The following RSF1 variants were observed in gnomAD, a reference collection of about 807,000 sequenced individuals.
The protein encoded by RSF1 is HBV pX-associated protein 8.
Under a neutral mutation model 145.2 loss-of-function variants are expected in RSF1, and 13 were observed. The observed-to-expected ratio is 0.09, with a 90% CI of 0.06 to 0.14. The LOEUF is 0.14. Ranked by LOEUF, RSF1 falls within the 10% of genes least tolerant of loss-of-function variation. RSF1 has a pLI of 1.00. For synonymous variants in RSF1, 577 were observed against 592.6 expected (o/e 0.97, Z 0.38); for missense variants, 1,517 against 1,718.2 (o/e 0.88, Z 2.07).
chr11:77,858,872 A>G, the RSF1 span, among the ~76,000 whole-genome samples: 1 of 152,226 alleles, frequency 6.6e-6, no homozygotes. Context: ...TACAGCTTCG[A>G]TTCTGGAAGA....
At chr11:77,803,550 G>A (rs1327929202) in intron 1 of RSF1, among the ~76,000 whole-genome samples, 5 of 150,236 alleles carry the variant, frequency 3.3e-5, no homozygotes, top group African/African-American at 4.9e-5. Context: ...AGGCCAAGGC[G>A]GGTGGATCAC....
rs78413231 is a variant in RSF1, at chr11:77,819,256, G to C, written c.187+1272C>G. 4.7e-4 allele frequency among the ~76,000 whole-genome samples: 72 copies of C among 152,332 alleles called. No homozygotes were observed. The East Asian group carries it at 0.013, about 27-fold the overall frequency. On this transcript the variant is annotated intron_variant, in intron 1 of 15. Coordinates refer to ENST00000308488, the MANE Select transcript of RSF1 (RefSeq NM_016578.4). Reference sequence around the variant, plus strand: ...TATGGACAAAAAAAGAGACCTATTTGGAAAACGTTTCTTCTCCAGCCAAGG... The same window carrying C: ...TATGGACAAAAAAAGAGACCTATTTCGAAAACGTTTCTTCTCCAGCCAAGG...
In RSF1 at chr11:77,663,403, C is replaced by A. The variant is rs1186656730; in HGVS notation, c.*3514G>T. 2 of 152,026 alleles carry A rather than the reference C, an allele frequency of 1.3e-5. No individual in the cohort carries two copies. The highest frequency in any genetic ancestry group is 2.9e-5 in the Non-Finnish European group (2 of 67,978). 9.4% of individuals were successfully genotyped at this position (152,026 alleles called of 1,614,324 possible). ...TATATTATAGGATGGGTTTCATCAA[C>A]TAAAAAGTAAAAACTGGGTACGTGT... On this transcript the variant is annotated 3_prime_UTR_variant, in exon 16 of 16. Transcript: ENST00000308488.
Position 77,667,128 on chromosome 11 carries a change from T to C in RSF1, c.4115A>G (p.Asn1372Ser), listed in dbSNP as rs762230397. The C allele has an allele frequency of 1.2e-6, 2 of 1,614,188 alleles. No homozygotes were observed. Among genetic ancestry groups the C allele is most frequent in the Admixed American group, 1.7e-5 (1 of 60,026 alleles). ...AATGGCTTTGCCAGGGCTCTGTCCATTGGTTGAAGGTAAGTCCACTAAGCT... is the reference window on the plus strand; with the variant it reads ...AATGGCTTTGCCAGGGCTCTGTCCACTGGTTGAAGGTAAGTCCACTAAGCT... Reference protein sequence around the residue: ...DYSLVDLPSTNGQSPGKAIEN... With the variant: ...DYSLVDLPSTSGQSPGKAIEN... Residue 1372 changes from asparagine (N) to serine (S), a missense_variant, in exon 16 of 16, where the codon AAT (asparagine) becomes AGT (serine). Physicochemically the swap from Asn to Ser is conservative, Grantham distance 46. Transcript: ENST00000308488.
intron 15 of RSF1, among the ~76,000 whole-genome samples, chr11:77,671,197 GTA>G (rs1194844591): frequency 1.3e-4 from 11 of 87,966 alleles, no homozygotes; most frequent in East Asian, 3.6e-4. Flanking sequence ...ATATATGTGT[GTA>G]TATATATATA....
intron 11 of RSF1, among the ~76,000 whole-genome samples, chr11:77,682,736 A>G (rs1959897161): frequency 6.6e-6 from 1 of 152,260 alleles, no homozygotes; most frequent in African/African-American, 2.4e-5. Context: ...AATGTTAATA[A>G]ATCATCACAA....
chr11:77,734,469 C>T (rs1020906859), intron 4 of RSF1: 18 of 1,585,326 alleles, frequency 1.1e-5, no homozygotes, highest in African/African-American at 4.0e-5. Flanking sequence ...GGAAATTAGC[C>T]GAGGCTTAGC....
At chr11:77,688,255 G>A (rs1960062139) in intron 9 of RSF1, among the ~76,000 whole-genome samples, 1 of 152,186 alleles carries the variant, frequency 6.6e-6, no homozygotes, top group Non-Finnish European at 1.5e-5. Context: ...CCCTGCCACT[G>A]TACCTGAACT....
the RSF1 span, among the ~76,000 whole-genome samples, chr11:77,843,094 A>T: frequency 1.3e-5 from 2 of 152,302 alleles, no homozygotes; most frequent in African/African-American, 4.8e-5. Context: ...GTACTGCCAG[A>T]CTATCTTCCA....
chr11:77,717,145 C>G (rs1410826963), intron 5 of RSF1, among the ~76,000 whole-genome samples: 1 of 146,520 alleles, frequency 6.8e-6, no homozygotes. Flanking sequence ...ACCACTGTAC[C>G]CCAGCATGGG....
intron 1 of RSF1, among the ~76,000 whole-genome samples, chr11:77,791,170 G>C (rs1303978207): frequency 6.6e-6 from 1 of 152,206 alleles, no homozygotes; most frequent in Non-Finnish European, 1.5e-5. Flanking sequence ...CTGAAATCTA[G>C]GTGGAGGTTC....
intron 1 of RSF1, among the ~76,000 whole-genome samples, chr11:77,819,466 G>A (rs1358471930): frequency 6.6e-6 from 1 of 152,246 alleles, no homozygotes; most frequent in African/African-American, 2.4e-5. Flanking sequence ...AGCAGCAGCA[G>A]CAGGAAGTTT....
Position 77,788,319 on chromosome 11 carries a change from G to A in RSF1, c.188-23630C>T, listed in dbSNP as rs762611941. Among the ~76,000 whole-genome samples, 134 of 149,926 alleles carry A rather than the reference G, an allele frequency of 8.9e-4. 1 individual carries two copies. Among genetic ancestry groups the A allele is most frequent in the Non-Finnish European group, 1.1e-3 (77 of 67,432 alleles). On this transcript the variant is annotated intron_variant, in intron 1 of 15. Coordinates refer to ENST00000308488, the MANE Select transcript of RSF1 (RefSeq NM_016578.4). ...ACTGGTAATAGAATCAGTAGAAAAA[G>A]ACATGAAAAGTTCTTATATGACTAT...
At chr11:77,742,322 C>T (rs113465386) in intron 3 of RSF1, among the ~76,000 whole-genome samples, 23,340 of 152,004 alleles carry the variant, frequency 0.15, 2,080 homozygotes, top group African/African-American at 0.21. Context: ...ATTCTGTCAC[C>T]AGGCTGGAGT....
the RSF1 span, among the ~76,000 whole-genome samples, chr11:77,862,877 G>A: frequency 6.6e-6 from 1 of 152,124 alleles, no homozygotes; most frequent in African/African-American, 2.4e-5. Flanking sequence ...CTTTCTTAGT[G>A]TCTGAGAGTC....
chr11:77,781,925 A>G (rs146444110), intron 1 of RSF1, among the ~76,000 whole-genome samples: 2 of 152,106 alleles, frequency 1.3e-5, no homozygotes, highest in African/African-American at 4.8e-5. Context: ...ATCTATTTCT[A>G]ATATTCTTTT....
chr11:77,840,922 A>T, the RSF1 span: 1 of 401,660 alleles, frequency 2.5e-6, no homozygotes, highest in Non-Finnish European at 4.5e-6. Context: ...AAATGTCTTA[A>T]TCCATTTTGT....
At position 77,699,375 on chromosome 11, in the gene RSF1, C is replaced by G. The variant is rs1299540005; in HGVS notation, c.2509-682G>C. On this transcript the variant is annotated intron_variant, in intron 6 of 15. Coordinates refer to ENST00000308488, the MANE Select transcript of RSF1 (RefSeq NM_016578.4). ...ACTTGTGTTTTAGTTTATTCCTACA[C>G]TATAGGTCGTCAGCAAAGAACAAAA... Among the ~76,000 whole-genome samples the G allele has an allele frequency of 3.3e-5, 5 of 151,332 alleles. No individual in the cohort carries two copies. In the East Asian group the frequency reaches 9.7e-4, roughly 29 times the overall value.
At chr11:77,736,934 T>A (rs1220765528) in intron 4 of RSF1, among the ~76,000 whole-genome samples, 2 of 152,216 alleles carry the variant, frequency 1.3e-5, no homozygotes, top group African/African-American at 4.8e-5. Context: ...AATAAAGGAA[T>A]GTTAGTATGA....
Sources: gnomAD v4.1 joint callset for allele counts (sites outside exome capture counted in the v4.1 genomes callset) on GRCh38, gnomAD v4.1.1 for gene constraint, MANE v1.5 for transcripts, NCBI Gene and HGNC (gene_info 2026-07-23, HGNC 2026-07-21) for gene names.